The following OXSR1 variants were observed in gnomAD, a reference collection of about 807,000 sequenced individuals.
OXSR1 encodes the protein serine/threonine-protein kinase OSR1.
A neutral mutation model predicts 79.8 loss-of-function variants in OXSR1; 24 were observed. That is an observed-to-expected ratio of 0.30 (90% confidence interval 0.22 to 0.42). OXSR1 has a LOEUF of 0.42. Ranked by LOEUF, OXSR1 falls within the 10% of genes least tolerant of loss-of-function variation. The pLI is 1.00. For missense variants in OXSR1, 430 were observed against 618.4 expected (o/e 0.70, Z 3.23); for synonymous variants, 226 against 209.2 (o/e 1.08, Z -0.69).
intron 12 of OXSR1, among the ~76,000 whole-genome samples, chr3:38,245,195 G>A (rs982655290): frequency 1.3e-5 from 2 of 151,956 alleles, no homozygotes; most frequent in East Asian, 1.9e-4. Context: ...TATTCAGCCT[G>A]TACTATTACT....
rs1345216496 is a variant in OXSR1, at chr3:38,224,698, A to C, written c.830A>C (p.Glu277Ala). 4 of 1,552,052 alleles carry C rather than the reference A, an allele frequency of 2.6e-6. No homozygotes were observed. Among genetic ancestry groups the C allele is most frequent in the African/African-American group, 2.8e-5 (2 of 71,958 alleles). Residue 277 changes from glutamate to alanine, a missense_variant, in exon 8 of 18, where the codon GAA (glutamate) becomes GCA (alanine). Around this residue, in one of 3 missense-constraint regions of OXSR1, gnomAD observed 276 missense variants for 354.2 expected, o/e 0.78. Coordinates refer to ENST00000311806, the MANE Select transcript of OXSR1 (RefSeq NM_005109.3). The part of the protein sequence containing the change: ...MISLCLQKDP[E>A]KRPTAAELLR... Reference sequence around the variant, plus strand: ...TCATTGTGCCTTCAAAAAGATCCAGAAAAAAGGTAAAATATGAGAAAAAGT... The same window carrying C: ...TCATTGTGCCTTCAAAAAGATCCAGCAAAAAGGTAAAATATGAGAAAAAGT...
chr3:38,237,027 T>C (rs1702933057), intron 11 of OXSR1, 66 bp downstream of exon 11: 5 of 1,396,258 alleles, frequency 3.6e-6, no homozygotes, highest in Non-Finnish European at 3.9e-6. Flanking sequence ...CTTAACCAGC[T>C]AAAATATAAA....
intron 8 of OXSR1, among the ~76,000 whole-genome samples, chr3:38,225,607 C>T (rs1337116373): frequency 6.6e-6 from 1 of 151,274 alleles, no homozygotes; most frequent in African/African-American, 2.4e-5. Flanking sequence ...TTAAAAAAGA[C>T]AGGAAACACT....
intron 2 of OXSR1, among the ~76,000 whole-genome samples, chr3:38,189,658 A>G (rs143388517): frequency 3.3e-4 from 51 of 152,342 alleles, no homozygotes; most frequent in African/African-American, 1.1e-3. Context: ...AAGCCTTATA[A>G]AGTGCTGTAG....
intron 11 of OXSR1, among the ~76,000 whole-genome samples, chr3:38,238,718 C>T (rs983469777): frequency 1.3e-5 from 2 of 151,468 alleles, no homozygotes; most frequent in African/African-American, 2.4e-5. Context: ...GTCTTTTTTC[C>T]CTGGCTGCTT....
chr3:38,219,869 G>A (rs1240906544), intron 5 of OXSR1, among the ~76,000 whole-genome samples: 2 of 152,070 alleles, frequency 1.3e-5, no homozygotes, highest in Admixed American at 6.6e-5. Context: ...GTGCAGTGGT[G>A]CAAATGTAGT....
chr3:38,249,679 G>A (rs777695624), intron 14 of OXSR1, among the ~76,000 whole-genome samples: 3 of 152,098 alleles, frequency 2.0e-5, no homozygotes, highest in Non-Finnish European at 4.4e-5. Context: ...TATGTTCTTG[G>A]TGTGGGAATA....
At chr3:38,249,053 G>A (rs144259777) in intron 14 of OXSR1, among the ~76,000 whole-genome samples, 88 of 152,190 alleles carry the variant, frequency 5.8e-4, no homozygotes, top group Non-Finnish European at 9.9e-4. Context: ...TAGAAAGAAC[G>A]CAATGCAAGG....
intron 4 of OXSR1, among the ~76,000 whole-genome samples, chr3:38,199,065 T>A (rs958158971): frequency 3.9e-5 from 6 of 152,184 alleles, no homozygotes; most frequent in Admixed American, 6.5e-5. Flanking sequence ...CAGGAAAAAT[T>A]CATAATTTCG....
intron 1 of OXSR1, among the ~76,000 whole-genome samples, chr3:38,177,222 C>T (rs536181461): frequency 1.1e-4 from 17 of 152,322 alleles, no homozygotes; most frequent in Admixed American, 3.9e-4. Flanking sequence ...TCTCCTATTC[C>T]GTGGTGTTTC....
intron 1 of OXSR1, among the ~76,000 whole-genome samples, chr3:38,166,789 CAA>C (rs915290107): frequency 2.0e-3 from 129 of 63,752 alleles, no homozygotes; most frequent in African/African-American, 3.2e-3. Context: ...GACTCTGACT[CAA>C]AAAAAAAAAA....
intron 1 of OXSR1, among the ~76,000 whole-genome samples, chr3:38,168,196 T>C (rs576337462): frequency 1.3e-5 from 2 of 152,362 alleles, no homozygotes; most frequent in Admixed American, 6.5e-5. Flanking sequence ...AAAACAACTT[T>C]ACTGAGGTAT....
chr3:38,202,985 T>C (rs1435753128), intron 4 of OXSR1, among the ~76,000 whole-genome samples: 1 of 152,166 alleles, frequency 6.6e-6, no homozygotes, highest in African/African-American at 2.4e-5. Context: ...GGCTGGATAT[T>C]ATCCAGGCCT....
At chr3:38,182,181 C>T (rs982574199) in intron 1 of OXSR1, among the ~76,000 whole-genome samples, 12 of 152,174 alleles carry the variant, frequency 7.9e-5, no homozygotes, top group African/African-American at 2.9e-4. Context: ...TCTTCTGGCA[C>T]CTCTAGAACT....
chr3:38,228,020 A>G (rs967275978), intron 8 of OXSR1, among the ~76,000 whole-genome samples: 9 of 152,220 alleles, frequency 5.9e-5, no homozygotes, highest in African/African-American at 2.2e-4. Flanking sequence ...GTACTTACAC[A>G]AACTTTGATG....
chr3:38,206,076 GA>G (rs1209070770), intron 4 of OXSR1, among the ~76,000 whole-genome samples: 1 of 151,902 alleles, frequency 6.6e-6, no homozygotes, highest in Admixed American at 6.5e-5. Flanking sequence ...AATCTCTAAA[GA>G]AAAAAAGTTA....
rs769649864 is a variant in OXSR1, at chr3:38,247,732, G to A, written c.1322G>A (p.Arg441Lys). The A allele has an allele frequency of 1.3e-6, 2 of 1,599,028 alleles. No individual in the cohort carries two copies. The highest frequency in any genetic ancestry group is 1.7e-6 in the Non-Finnish European group (2 of 1,166,728). ...KIPISLVLRL[R>K]NSKKELNDIR... ...CCAATCAGTCTAGTACTAAGATTAA[G>A]GTAAGTAGACATTTTTTGTTTTGTT... Residue 441 changes from arginine to lysine, a missense_variant and splice_region_variant, in exon 14 of 18, where the codon AGG becomes AAG. Physicochemically the swap from Arg to Lys is conservative, Grantham distance 26 (BLOSUM62 2). Coordinates refer to ENST00000311806, the MANE Select transcript of OXSR1 (RefSeq NM_005109.3).
At position 38,252,863 on chromosome 3, in the gene OXSR1, T is replaced by G. The variant is rs778154420; in HGVS notation, c.1556T>G (p.Ile519Arg). Residue 519 changes from isoleucine to arginine, a missense_variant, in exon 18 of 18, where the codon ATA (isoleucine) becomes AGA (arginine). By Grantham distance (97) the Ile-to-Arg change is moderately conservative (BLOSUM62 -3). Coordinates refer to ENST00000311806, the MANE Select transcript of OXSR1 (RefSeq NM_005109.3). ...GATATTCCTGATGATGGTAAACTGA[T>G]AGGATTTGCCCAGCTCAGCATCAGC... ...GSDIPDDGKLIGFAQLSIS is the reference protein window; with the variant it reads ...GSDIPDDGKLRGFAQLSIS 6.2e-7 allele frequency: 1 copy of G among 1,613,796 alleles called. No homozygotes were observed. The highest frequency in any genetic ancestry group is 8.5e-7 in the Non-Finnish European group (1 of 1,179,760).
At chr3:38,204,351 T>C (rs1165870437) in intron 4 of OXSR1, among the ~76,000 whole-genome samples, 3 of 152,102 alleles carry the variant, frequency 2.0e-5, no homozygotes, top group African/African-American at 7.2e-5. Flanking sequence ...AGCTGGTAAC[T>C]AAGCTGCAAG....
Sources: gnomAD v4.1 joint callset for allele counts (sites outside exome capture counted in the v4.1 genomes callset) on GRCh38, gnomAD v4.1.1 for gene constraint, gnomAD v4.1.1 regional missense constraint, MANE v1.5 for transcripts, NCBI Gene and HGNC (gene_info 2026-07-23, HGNC 2026-07-21) for gene names.